The following WLS variants were observed in gnomAD, a reference collection of about 807,000 sequenced individuals.
WLS encodes protein wntless homolog.
Under a neutral mutation model 62.8 loss-of-function variants are expected in WLS, and 23 were observed. That is an observed-to-expected ratio of 0.37 (90% CI 0.26 to 0.52). The LOEUF (loss-of-function observed/expected upper bound fraction) is 0.52, where lower values mean the gene tolerates loss of function less well. Ranked by LOEUF, WLS falls within the 20% of genes least tolerant of loss-of-function variation. The probability of loss-of-function intolerance (pLI) is 0.92; values close to 1 mark genes in which losing one functional copy is unlikely to be tolerated. For missense variants in WLS, 615 were observed against 697.3 expected, an observed-to-expected ratio of 0.88 and a Z score of 1.33; for synonymous variants, 246 against 244.1, an observed-to-expected ratio of 1.01 and a Z score of -0.07.
chr1:68,227,748 ATCTTGTCAAGAT>A (rs1047103601), intron 1 of WLS, among the ~76,000 whole-genome samples: 1 of 152,206 alleles, frequency 6.6e-6, no homozygotes, highest in African/African-American at 2.4e-5. Context: ...CAATTGATTA[ATCTTGTCAAGAT>A]TCTTGTCAAG....
At position 68,154,741 on chromosome 1, in the gene WLS, C is replaced by T. The variant is rs559849012; in HGVS notation, c.666+358G>A. 1.2e-4 allele frequency among the ~76,000 whole-genome samples: 19 copies of T among 152,286 alleles called. No individual in the cohort carries two copies. In the South Asian group the frequency reaches 3.9e-3, roughly 32 times the overall value. The stretch of plus-strand genomic sequence containing the variant: ...AATTAAACAAATATGATGGAAAGAA[C>T]CTAAACCACCCCTATTCCTTTTAAC... On this transcript the variant is annotated intron_variant, in intron 4 of 11. Transcript: ENST00000262348.
intron 11 of WLS, among the ~76,000 whole-genome samples, chr1:68,129,888 G>C (rs910951845): frequency 2.0e-5 from 3 of 152,202 alleles, no homozygotes; most frequent in Admixed American, 2.0e-4. Context: ...AAAAAGAAAA[G>C]AATGCTTTAG....
At chr1:68,182,813 A>G (rs186024426) in intron 2 of WLS, among the ~76,000 whole-genome samples, 19 of 152,334 alleles carry the variant, frequency 1.2e-4, no homozygotes, top group African/African-American at 4.1e-4. Context: ...TTCTGCTTGC[A>G]TTGACTCAAA....
chr1:68,162,181 C>T, intron 2 of WLS: 1 of 1,438,294 alleles, frequency 7.0e-7, no homozygotes, highest in South Asian at 1.1e-5. Flanking sequence ...CTGAGCAAAG[C>T]TAAAGGGCTC....
At chr1:68,138,635 T>C (rs531496114) in intron 10 of WLS, among the ~76,000 whole-genome samples, 1 of 152,340 alleles carries the variant, frequency 6.6e-6, no homozygotes, top group South Asian at 2.1e-4. Flanking sequence ...GTTTTGAAGC[T>C]GCTTTTGTCT....
intron 1 of WLS, among the ~76,000 whole-genome samples, chr1:68,228,842 C>CAAAAAAAAAAAAAAAAAAAAAAAAA (rs66626696): frequency 6.9e-5 from 4 of 58,022 alleles, no homozygotes; most frequent in Admixed American, 3.5e-4. Flanking sequence ...ACACTGGTGC[C>CAAAAAAAAAAAAAAAAAAAAAAAAA]AAAAAAAAAA....
intron 11 of WLS, among the ~76,000 whole-genome samples, chr1:68,130,533 T>C (rs1646503395): frequency 6.6e-6 from 1 of 152,170 alleles, no homozygotes; most frequent in African/African-American, 2.4e-5. Context: ...CACCAACCTC[T>C]CTCCTATTCA....
At chr1:68,130,262 C>T (rs1336776411) in intron 11 of WLS, among the ~76,000 whole-genome samples, 2 of 152,156 alleles carry the variant, frequency 1.3e-5, no homozygotes, top group South Asian at 2.1e-4. Context: ...CGGGAGAGAT[C>T]GGAGGTACCA....
intron 2 of WLS, among the ~76,000 whole-genome samples, chr1:68,191,824 T>A (rs1326107399): frequency 6.6e-6 from 1 of 152,138 alleles, no homozygotes; most frequent in Non-Finnish European, 1.5e-5. Flanking sequence ...TTTCTTTTGC[T>A]CATCCTCACC....
intron 1 of WLS, among the ~76,000 whole-genome samples, chr1:68,227,160 G>A (rs1401986110): frequency 4.6e-5 from 7 of 152,260 alleles, no homozygotes; most frequent in South Asian, 4.1e-4. Context: ...TTGGGAGGCC[G>A]AGGCAGGTGG....
chr1:68,106,650 T>C (rs1646147996), intron 11 of WLS, among the ~76,000 whole-genome samples: 1 of 152,094 alleles, frequency 6.6e-6, no homozygotes, highest in Non-Finnish European at 1.5e-5. Flanking sequence ...TTCTCATGCA[T>C]AGACAGACTG....
chr1:68,101,987 T>A (rs17130472), intron 11 of WLS, among the ~76,000 whole-genome samples: 1,598 of 152,304 alleles, frequency 0.01, 24 homozygotes, highest in African/African-American at 0.037. Context: ...TTGAACTATG[T>A]GTGTAGGTGG....
chr1:68,185,503 G>A (rs960977600), intron 2 of WLS, among the ~76,000 whole-genome samples: 2 of 152,170 alleles, frequency 1.3e-5, no homozygotes, highest in Non-Finnish European at 2.9e-5. Flanking sequence ...AAGTATTATA[G>A]CCTGAGTTCT....
chr1:68,165,417 C>T lies in WLS; in HGVS notation c.380-6170G>A, dbSNP rs564935321. Among the ~76,000 whole-genome samples, 31 of 152,252 alleles carry T rather than the reference C, an allele frequency of 2.0e-4. No individual in the cohort carries two copies. In the South Asian group the frequency reaches 2.7e-3, roughly 13 times the overall value. On this transcript the variant is annotated intron_variant, in intron 2 of 11. Transcript: ENST00000262348. ...TACAGACCCCCTCACTTCTAGACCA[C>T]GCTCCGAGATGTCAGACTCCAGAAC...
intron 1 of WLS, among the ~76,000 whole-genome samples, chr1:68,204,445 G>C (rs1649190502): frequency 6.6e-6 from 1 of 151,974 alleles, no homozygotes; most frequent in Admixed American, 6.6e-5. Context: ...TCAGCCTCCA[G>C]AGTAGCTGGG....
intron 2 of WLS, among the ~76,000 whole-genome samples, chr1:68,184,187 T>C (rs1298855461): frequency 6.6e-6 from 1 of 152,242 alleles, no homozygotes; most frequent in Non-Finnish European, 1.5e-5. Flanking sequence ...CAACAGCTTA[T>C]AGATTTGAAA....
downstream of WLS, among the ~76,000 whole-genome samples, chr1:68,122,444 C>A (rs1485696945): frequency 1.3e-5 from 2 of 152,168 alleles, no homozygotes; most frequent in Non-Finnish European, 1.5e-5. Flanking sequence ...TGGACATTTT[C>A]TTGTAGGAAC....
rs576943017 is a variant in WLS at position 68,159,922 on chromosome 1, G to T, written c.380-675C>A. Among the ~76,000 whole-genome samples the T allele has an allele frequency of 3.3e-5, 5 of 152,242 alleles. No homozygotes were observed. The South Asian group carries it at 8.3e-4, about 25-fold the overall frequency. ...ATAATACATAATTGCACAAATGAAT[G>T]TTCACACATACTTCCATATGTGTGG... is the stretch of plus-strand genomic sequence containing the variant. On this transcript the variant is annotated intron_variant, in intron 2 of 11. Coordinates refer to ENST00000262348, the MANE Select transcript of WLS (RefSeq NM_024911.7).
At chr1:68,128,712 G>A (rs568094344) in intron 11 of WLS, among the ~76,000 whole-genome samples, 1 of 152,294 alleles carries the variant, frequency 6.6e-6, no homozygotes, top group East Asian at 1.9e-4. Context: ...GGATACCTAT[G>A]TCATAATGCT....
Sources: allele counts gnomAD v4.1 joint callset (sites outside exome capture counted in the v4.1 genomes callset), GRCh38; gene constraint gnomAD v4.1.1; transcripts MANE v1.5; gene names NCBI Gene and HGNC (gene_info 2026-07-23, HGNC 2026-07-21).